The following ZFHX4 variants were observed in gnomAD, a reference collection of about 807,000 sequenced individuals.
The protein encoded by ZFHX4 is zinc finger homeobox protein 4.
Under a neutral mutation model 267.6 loss-of-function variants are expected in ZFHX4, and 56 were observed. That is an observed-to-expected ratio of 0.21 (90% CI 0.17 to 0.26). ZFHX4 has a LOEUF of 0.26. ZFHX4 is among the 10% of genes least tolerant of loss of function. The probability of loss-of-function intolerance (pLI) is 1.00; values close to 1 mark genes in which losing one functional copy is unlikely to be tolerated. For missense variants in ZFHX4, 4,332 were observed against 4,420.0 expected, an observed-to-expected ratio of 0.98 and a Z score of 0.56; for synonymous variants, 1,778 against 1,665.6, an observed-to-expected ratio of 1.07 and a Z score of -1.64.
chr8:76,759,901 C>A (rs928846697), intron 3 of ZFHX4, among the ~76,000 whole-genome samples: 2 of 152,084 alleles, frequency 1.3e-5, no homozygotes, highest in Non-Finnish European at 2.9e-5. Context: ...AGTATTAAGA[C>A]AGGTAAATGA....
At chr8:76,838,336 TAAG>T (rs1453561276) in intron 5 of ZFHX4, among the ~76,000 whole-genome samples, 1 of 152,186 alleles carries the variant, frequency 6.6e-6, no homozygotes, top group East Asian at 1.9e-4. Context: ...CTCTAAAGTG[TAAG>T]AAGACTGTTC....
chr8:76,744,332 C>T lies in ZFHX4; in HGVS notation c.3094-33876C>T, dbSNP rs142586701. ...CTGCACTTTAGCCTGGGCGACAGAG[C>T]GAGACTCCACCTAAAAAATAAATAA... On this transcript the variant is annotated intron_variant, in intron 3 of 10. Transcript: ENST00000651372. Among the ~76,000 whole-genome samples the T allele has an allele frequency of 4.1e-4, 63 of 152,030 alleles. No homozygotes were observed. In the East Asian group the frequency reaches 9.3e-3, roughly 22 times the overall value.
intron 3 of ZFHX4, among the ~76,000 whole-genome samples, chr8:76,765,202 A>T (rs1810020935): frequency 6.6e-6 from 1 of 152,206 alleles, no homozygotes; most frequent in Non-Finnish European, 1.5e-5. Flanking sequence ...CTTGAGAATT[A>T]TGCTTAATAG....
At chr8:76,803,137 C>A (rs534732926) in intron 4 of ZFHX4, among the ~76,000 whole-genome samples, 1 of 152,046 alleles carries the variant, frequency 6.6e-6, no homozygotes. Context: ...ACAGGAAAGA[C>A]GCAAATTTAC....
intron 3 of ZFHX4, among the ~76,000 whole-genome samples, chr8:76,708,926 G>T (rs1808350418): frequency 6.6e-6 from 1 of 152,060 alleles, no homozygotes; most frequent in Non-Finnish European, 1.5e-5. Flanking sequence ...TTTGTCTAGA[G>T]GATATTAAAA....
intron 3 of ZFHX4, among the ~76,000 whole-genome samples, chr8:76,722,325 T>C (rs1808743563): frequency 6.6e-6 from 1 of 152,078 alleles, no homozygotes; most frequent in Non-Finnish European, 1.5e-5. Flanking sequence ...TGTAACACAG[T>C]AAAACTGAAA....
At chr8:76,751,170 C>T (rs369519168) in intron 3 of ZFHX4, among the ~76,000 whole-genome samples, 1 of 152,156 alleles carries the variant, frequency 6.6e-6, no homozygotes, top group Admixed American at 6.5e-5. Flanking sequence ...ACATGTCCCT[C>T]TCATCTCTGT....
chr8:76,739,384 A>G, intron 3 of ZFHX4, among the ~76,000 whole-genome samples: 1 of 152,350 alleles, frequency 6.6e-6, no homozygotes, highest in South Asian at 2.1e-4. Flanking sequence ...AGATCATGAT[A>G]TAACTACCTC....
At position 76,828,040 on chromosome 8, in the gene ZFHX4, A is replaced by T. The variant is rs569050013; in HGVS notation, c.3326-5298A>T. On this transcript the variant is annotated intron_variant, in intron 4 of 10. Coordinates refer to ENST00000651372, the MANE Select transcript of ZFHX4 (RefSeq NM_024721.5). Reference sequence around the variant, plus strand: ...GAGTTGCTCAGCTTTTTAGAAGAGCAGTCTTTGTATCCGCATAGGAAAAGG... The same window carrying T: ...GAGTTGCTCAGCTTTTTAGAAGAGCTGTCTTTGTATCCGCATAGGAAAAGG... Among the ~76,000 whole-genome samples, 404 of 152,362 alleles carry T rather than the reference A, an allele frequency of 2.7e-3. 1 individual carries two copies. Among genetic ancestry groups the T allele is most frequent in the Admixed American group, 5.5e-3 (84 of 15,306 alleles).
intron 5 of ZFHX4, among the ~76,000 whole-genome samples, chr8:76,840,535 C>T (rs1196423229): frequency 6.6e-6 from 1 of 152,172 alleles, no homozygotes; most frequent in African/African-American, 2.4e-5. Flanking sequence ...AGATTATATA[C>T]TGTAGCTTTT....
chr8:76,705,218 C>T lies in ZFHX4; in HGVS notation c.1130C>T (p.Ala377Val). 1 of 1,614,006 alleles carries T rather than the reference C, an allele frequency of 6.2e-7. No individual in the cohort carries two copies. Residue 377 changes from alanine (A) to valine (V), a missense_variant, in exon 2 of 11, where the codon GCT becomes GTT. This residue lies in a region of ZFHX4 where 1,195 missense variants were observed against 1,173.6 expected (regional missense o/e 1.02). Transcript: ENST00000651372. ...FHVENGDSLP[A>V]GFAFLKGSAS... is the part of the protein sequence containing the mutation. ...GTTGAAAATGGTGACTCTTTGCCGGCTGGCTTTGCCTTCTTAAAAGGAAGC... is the reference window on the plus strand; with the variant it reads ...GTTGAAAATGGTGACTCTTTGCCGGTTGGCTTTGCCTTCTTAAAAGGAAGC...
intron 4 of ZFHX4, among the ~76,000 whole-genome samples, chr8:76,790,302 C>T (rs1200065231): frequency 6.6e-6 from 1 of 152,044 alleles, no homozygotes; most frequent in African/African-American, 2.4e-5. Flanking sequence ...TTATTACTAT[C>T]TCTGATTTTC....
intron 4 of ZFHX4, among the ~76,000 whole-genome samples, chr8:76,801,702 G>A (rs559244690): frequency 6.6e-5 from 10 of 152,230 alleles, no homozygotes; most frequent in Non-Finnish European, 8.8e-5. Flanking sequence ...AAGTATGTGC[G>A]GTTAGGAGTG....
chr8:76,834,100 C>T (rs1812008616), intron 5 of ZFHX4: 1 of 445,500 alleles, frequency 2.2e-6, no homozygotes, highest in South Asian at 1.6e-5. Context: ...ATATATATAT[C>T]ATTGTCTTCA....
At chr8:76,857,376 A>C (rs1351902443) in intron 10 of ZFHX4, among the ~76,000 whole-genome samples, 1 of 145,780 alleles carries the variant, frequency 6.9e-6, no homozygotes, top group Non-Finnish European at 1.5e-5. Flanking sequence ...ATATATATAT[A>C]TATATCTACA....
chr8:76,852,492 G>A lies in ZFHX4; in HGVS notation c.5571G>A (p.Glu1857=). The A allele has an allele frequency of 1.3e-6, 2 of 1,596,592 alleles. No homozygotes were observed. The highest frequency in any genetic ancestry group is 1.8e-5 in the Admixed American group (1 of 57,016). ...TGAAGGATGTGCCATCTTATAAGGA[G>A]GCAGAAGATATTTCTGAAAAGCCAG... is the stretch of plus-strand genomic sequence containing the variant. ...QIMKDVPSYK[E]AEDISEKPEK... is the part of the protein sequence containing the mutation. The change falls in exon 10 of 11, where the codon GAG becomes GAA. Residue 1857 remains glutamate (E), a synonymous_variant. Coordinates refer to ENST00000651372, the MANE Select transcript of ZFHX4 (RefSeq NM_024721.5).
chr8:76,824,056 C>T (rs1296039955), intron 4 of ZFHX4, among the ~76,000 whole-genome samples: 2 of 152,038 alleles, frequency 1.3e-5, no homozygotes, highest in South Asian at 2.1e-4. Context: ...AATTGTATCC[C>T]GATTTTACAG....
intron 3 of ZFHX4, among the ~76,000 whole-genome samples, chr8:76,748,060 T>A (rs1391078840): frequency 1.3e-5 from 2 of 152,238 alleles, no homozygotes; most frequent in East Asian, 1.9e-4. Flanking sequence ...TATTGTAATT[T>A]TAAAATGCTT....
intron 10 of ZFHX4, among the ~76,000 whole-genome samples, chr8:76,858,800 G>A (rs538015021): frequency 3.7e-4 from 56 of 152,268 alleles, no homozygotes; most frequent in African/African-American, 8.9e-4. Context: ...ATATTTCTGC[G>A]TTTCTTACAA....
Sources: allele counts gnomAD v4.1 joint callset (sites outside exome capture counted in the v4.1 genomes callset), GRCh38; gene constraint gnomAD v4.1.1; regional missense constraint gnomAD v4.1.1; transcripts MANE v1.5; gene names NCBI Gene and HGNC (gene_info 2026-07-23, HGNC 2026-07-21).